The following CELF2 variants were observed in gnomAD, a reference collection of about 807,000 sequenced individuals.
CELF2 encodes the protein CUGBP Elav-like family member 2, also known as CUG triplet repeat RNA-binding protein 2.
CELF2 carries 8 observed loss-of-function variants against 62.6 expected under a neutral mutation model. The ratio of observed to expected loss-of-function variants is 0.13; its 90% CI spans 0.07 to 0.23. The LOEUF (loss-of-function observed/expected upper bound fraction) is 0.23. Among genes scored for constraint, CELF2 ranks in the 10% least tolerant of loss-of-function variants. The probability of loss-of-function intolerance (pLI) is 1.00; values close to 1 mark genes in which losing one functional copy is unlikely to be tolerated. For missense variants in CELF2, 333 were observed against 671.0 expected (o/e 0.50, Z 5.56); for synonymous variants, 258 against 250.0 (o/e 1.03, Z -0.30).
At chr10:10,739,556 A>T in the CELF2 span, among the ~76,000 whole-genome samples, 2 of 152,198 alleles carry the variant, frequency 1.3e-5, no homozygotes, top group African/African-American at 4.8e-5. Context: ...ATCATAGTGA[A>T]AGGATCAAAG....
Position 11,211,775 on chromosome 10 carries a change from T to A in CELF2, c.272-5650T>A, listed in dbSNP as rs2061837895. Among the ~76,000 whole-genome samples the A allele has an allele frequency of 6.9e-6, 1 of 145,618 alleles. No homozygotes were observed. The highest frequency in any genetic ancestry group is 2.5e-5 in the African/African-American group (1 of 39,326). ...ACTACTGTGTGTGAGTGAGTGAGAG[T>A]GTGTGTGTATGTGTGTGAGAGAGAG... On this transcript the variant is annotated intron_variant, in intron 2 of 12. Coordinates refer to ENST00000633077, the MANE Select transcript of CELF2 (RefSeq NM_001326342.2). The surrounding 1 kb of genome is among the most constrained non-coding windows in gnomAD (Gnocchi z 4.8).
chr10:10,831,051 A>G (rs1242945530), intron 1 of CELF2, among the ~76,000 whole-genome samples: 2 of 152,198 alleles, frequency 1.3e-5, no homozygotes, highest in Non-Finnish European at 2.9e-5. Context: ...AATTGCCTAA[A>G]TTAAACCAAA....
intron 2 of CELF2, among the ~76,000 whole-genome samples, chr10:10,926,504 T>C (rs1055083161): frequency 1.3e-5 from 2 of 152,220 alleles, no homozygotes; most frequent in African/African-American, 4.8e-5. Context: ...TCAGTCTGTG[T>C]GATTCTGTTA....
chr10:10,591,863 C>A, the CELF2 span, among the ~76,000 whole-genome samples: 8 of 152,168 alleles, frequency 5.3e-5, no homozygotes, highest in Admixed American at 4.6e-4. Flanking sequence ...GGCATATTAT[C>A]CTGGCATAGT....
the CELF2 span, among the ~76,000 whole-genome samples, chr10:10,551,804 A>T: frequency 6.6e-6 from 1 of 152,160 alleles, no homozygotes; most frequent in East Asian, 1.9e-4. Context: ...CAATGTTGAT[A>T]TTTAACTTCC....
chr10:11,116,905 G>A (rs116322676), intron 1 of CELF2, among the ~76,000 whole-genome samples: 1,889 of 152,284 alleles, frequency 0.012, 47 homozygotes, highest in African/African-American at 0.043. Flanking sequence ...ATTTTGAACG[G>A]CTTACAGATA....
the CELF2 span, among the ~76,000 whole-genome samples, chr10:10,540,279 C>T: frequency 1.3e-5 from 2 of 152,304 alleles, no homozygotes; most frequent in African/African-American, 2.4e-5. Context: ...ACCCAAGGAA[C>T]AGGTTCGACT....
chr10:10,810,980 G>A (rs187962572), intron 1 of CELF2, among the ~76,000 whole-genome samples: 1 of 152,206 alleles, frequency 6.6e-6, no homozygotes, highest in African/African-American at 2.4e-5. Flanking sequence ...TTTGAAAGAA[G>A]CCTGGGACTC....
chr10:11,084,267 G>A (rs1453025838), intron 1 of CELF2, among the ~76,000 whole-genome samples: 2 of 152,174 alleles, frequency 1.3e-5, no homozygotes, highest in Non-Finnish European at 2.9e-5. Context: ...GTGAATATGC[G>A]GCTCTTGTGT....
intron 1 of CELF2, among the ~76,000 whole-genome samples, chr10:10,860,927 T>TATA (rs201818864): frequency 0.015 from 2,344 of 152,246 alleles, 75 homozygotes; most frequent in African/African-American, 0.054. Flanking sequence ...TATTCTTTTT[T>TATA]TATATATATA....
intron 1 of CELF2, among the ~76,000 whole-genome samples, chr10:10,871,692 T>C (rs899011625): frequency 6.6e-5 from 10 of 152,062 alleles, no homozygotes; most frequent in South Asian, 2.1e-4. Context: ...GGAAGGACTT[T>C]TGGGATGGAA....
At chr10:10,962,186 C>T (rs1343435524) in intron 2 of CELF2, among the ~76,000 whole-genome samples, 6 of 152,042 alleles carry the variant, frequency 3.9e-5, no homozygotes, top group Non-Finnish European at 8.8e-5. Flanking sequence ...GAGGGAGGCT[C>T]TCCTCTCTCA....
the CELF2 span, among the ~76,000 whole-genome samples, chr10:10,590,570 C>T: frequency 6.6e-6 from 1 of 152,200 alleles, no homozygotes; most frequent in Non-Finnish European, 1.5e-5. Flanking sequence ...CTGCCCTTTA[C>T]TACCACCAGC....
Position 11,329,057 on chromosome 10 carries a change from T to C in CELF2, c.*4T>C, listed in dbSNP as rs2095908040. 1.2e-6 allele frequency: 2 copies of C among 1,609,968 alleles called. No homozygotes were observed. The highest frequency in any genetic ancestry group is 2.7e-5 in the African/African-American group (2 of 74,838). On this transcript the variant is annotated 3_prime_UTR_variant, in exon 13 of 13. Coordinates refer to ENST00000633077, the MANE Select transcript of CELF2 (RefSeq NM_001326342.2). The surrounding 1 kb of genome is among the most constrained non-coding windows in gnomAD (Gnocchi z 5.5). ...AAACGACAGCAAACCTTACTGATCC[T>C]AACCCCAGAGGCTCCCTGCTCTCAT...
chr10:11,314,060 G>C lies in CELF2; in HGVS notation c.977-79G>C. 7.0e-7 allele frequency: 1 copy of C among 1,429,968 alleles called. No homozygotes were observed. The highest frequency in any genetic ancestry group is 9.7e-7 in the Non-Finnish European group (1 of 1,033,810). The allele number at this position is 1,429,968 out of a possible 1,614,324, so 88.6% of individuals were successfully genotyped here. A position where few individuals can be genotyped will look rare whatever the true frequency, so the allele number is the denominator to read the frequency against. ...GCTCCTCAGCTCCGTCCACTGAGAT[G>C]ATGACAGAAGGATTTCCAGTCTCGG... On this transcript the variant is annotated intron_variant, in intron 9 of 12. Coordinates refer to ENST00000633077, the MANE Select transcript of CELF2 (RefSeq NM_001326342.2). This position sits in a 1 kb window ranked among gnomAD's most constrained non-coding sequence, Gnocchi z 5.3.
chr10:11,108,512 G>A (rs2054268683), intron 1 of CELF2, among the ~76,000 whole-genome samples: 1 of 152,050 alleles, frequency 6.6e-6, no homozygotes, highest in Non-Finnish European at 1.5e-5. Flanking sequence ...CGGCCTCCCA[G>A]TCCCAGATAC....
At chr10:10,599,725 C>CTTTTTTTTTTTTTTTT in the CELF2 span, among the ~76,000 whole-genome samples, 57 of 134,556 alleles carry the variant, frequency 4.2e-4, no homozygotes, top group South Asian at 1.4e-3. Flanking sequence ...TTCTTTCTTT[C>CTTTTTTTTTTTTTTTT]TTTTTTTTTT....
At chr10:11,240,502 A>C (rs1170145794) in intron 3 of CELF2, among the ~76,000 whole-genome samples, 2 of 152,178 alleles carry the variant, frequency 1.3e-5, no homozygotes, top group Non-Finnish European at 2.9e-5. Context: ...AGTCTAATCC[A>C]CTGTGTGAGT....
intron 1 of CELF2, among the ~76,000 whole-genome samples, chr10:11,150,637 A>G (rs891542252): frequency 6.6e-6 from 1 of 152,216 alleles, no homozygotes; most frequent in Non-Finnish European, 1.5e-5. Context: ...AAACCTCCCC[A>G]TGTCAACCAG....
Sources: allele counts gnomAD v4.1 joint callset (sites outside exome capture counted in the v4.1 genomes callset), GRCh38; gene constraint gnomAD v4.1.1; non-coding constraint Gnocchi (gnomAD v3.1); transcripts MANE v1.5; gene names NCBI Gene and HGNC (gene_info 2026-07-23, HGNC 2026-07-21).